The following TBC1D4 variants were observed in gnomAD, a reference collection of about 807,000 sequenced individuals.
TBC1D4 encodes TBC (Tre-2, BUB2, CDC16) domain-containing protein.
In TBC1D4, 121 loss-of-function variants were observed where a neutral mutation model predicts 142.5. The ratio of observed to expected loss-of-function variants is 0.85; its 90% CI spans 0.73 to 0.99. TBC1D4 has a LOEUF of 0.99. TBC1D4 is among the 50% of genes least tolerant of loss of function. TBC1D4 has a pLI of 0.00. For missense variants in TBC1D4, 1,475 were observed against 1,606.6 expected (o/e 0.92, Z 1.40); for synonymous variants, 630 against 628.2 (o/e 1.00, Z -0.04).
intron 1 of TBC1D4, among the ~76,000 whole-genome samples, chr13:75,464,869 C>A (rs766630435): frequency 6.6e-6 from 1 of 152,208 alleles, no homozygotes. Context: ...GAAAACAGAA[C>A]TGAAGAAACT....
chr13:75,445,373 A>C (rs1887231326), intron 1 of TBC1D4, among the ~76,000 whole-genome samples: 1 of 152,224 alleles, frequency 6.6e-6, no homozygotes, highest in South Asian at 2.1e-4. Flanking sequence ...TACATGACAC[A>C]CTGGGCTTGT....
intron 1 of TBC1D4, among the ~76,000 whole-genome samples, chr13:75,397,486 A>C (rs566977986): frequency 6.6e-6 from 1 of 152,334 alleles, no homozygotes; most frequent in South Asian, 2.1e-4. Flanking sequence ...AACTGAGATA[A>C]ATGGTAGAAA....
chr13:75,423,856 T>C (rs1235055240), intron 1 of TBC1D4, among the ~76,000 whole-genome samples: 1 of 152,204 alleles, frequency 6.6e-6, no homozygotes, highest in African/African-American at 2.4e-5. Context: ...GTTTAATGGG[T>C]ACAGAGTTTC....
At chr13:75,350,842 T>G (rs997188044) in intron 4 of TBC1D4, among the ~76,000 whole-genome samples, 1 of 152,204 alleles carries the variant, frequency 6.6e-6, no homozygotes, top group Non-Finnish European at 1.5e-5. Context: ...CAACTTCTCC[T>G]GTACACAAAT....
intron 1 of TBC1D4, among the ~76,000 whole-genome samples, chr13:75,418,239 T>C (rs1011604481): frequency 6.6e-5 from 10 of 152,154 alleles, no homozygotes; most frequent in African/African-American, 2.4e-4. Flanking sequence ...CGATATAGCA[T>C]TGAGTATGCC....
intron 19 of TBC1D4, 86 bp from the exon 20 acceptor site, chr13:75,289,196 T>G: frequency 1.3e-6 from 2 of 1,502,754 alleles, no homozygotes; most frequent in Non-Finnish European, 9.2e-7. Context: ...TTCATGTATA[T>G]TTCCAAATAC....
intron 8 of TBC1D4, among the ~76,000 whole-genome samples, chr13:75,330,442 A>G (rs1434148894): frequency 6.6e-6 from 1 of 152,244 alleles, no homozygotes; most frequent in Non-Finnish European, 1.5e-5. Flanking sequence ...AACGCTTATC[A>G]TGTGCCATAT....
In TBC1D4 at chr13:75,349,277, T is replaced by A. The variant is rs770377401; in HGVS notation, c.1301A>T (p.Lys434Ile). Residue 434 changes from lysine to isoleucine, a missense_variant, in exon 5 of 21, where the codon AAA becomes ATA. By Grantham distance (102) the Lys-to-Ile change is moderately radical. Transcript: ENST00000377636. ...GGCAGCCGCCGTACTGAAGGCCTGT[T>A]TCAGAGTCAGCATTACCTCATCAAC... ...SLVDEVMLTL[K>I]QAFSTAAALQ... 2.5e-6 allele frequency: 4 copies of A among 1,613,974 alleles called. No individual in the cohort carries two copies. The South Asian group carries it at 3.3e-5, about 13-fold the overall frequency.
At chr13:75,384,467 T>C (rs2138270789) in intron 1 of TBC1D4, among the ~76,000 whole-genome samples, 1 of 151,912 alleles carries the variant, frequency 6.6e-6, no homozygotes, top group East Asian at 1.9e-4. Context: ...TATTCCTTTC[T>C]GGACACCCTG....
intron 1 of TBC1D4, among the ~76,000 whole-genome samples, chr13:75,479,208 C>T (rs1031478670): frequency 7.9e-5 from 12 of 152,124 alleles, no homozygotes; most frequent in African/African-American, 1.2e-4. Context: ...TCTCTAGAGA[C>T]GCTACATCTG....
chr13:75,410,828 CG>C (rs1168755825), intron 1 of TBC1D4, among the ~76,000 whole-genome samples: 1 of 145,650 alleles, frequency 6.9e-6, no homozygotes, highest in Non-Finnish European at 1.5e-5. Flanking sequence ...CCCAGCTACT[CG>C]GGAGGCTGAG....
At chr13:75,302,216 A>G (rs895682381) in intron 16 of TBC1D4, 27 bp downstream of exon 16, 2 of 1,613,820 alleles carry the variant, frequency 1.2e-6, no homozygotes, top group African/African-American at 2.7e-5. Flanking sequence ...TTACTTTTGT[A>G]AATTATAATC....
chr13:75,302,455 A>G (rs917086129), intron 15 of TBC1D4, 54 bp from the exon 16 acceptor site: 1 of 1,606,322 alleles, frequency 6.2e-7, no homozygotes, highest in Non-Finnish European at 8.5e-7. Flanking sequence ...TGAAGTTGAT[A>G]GATCCCAGCT....
chr13:75,425,184 A>C lies in TBC1D4; in HGVS notation c.498+56086T>G, dbSNP rs557568262. Among the ~76,000 whole-genome samples, 4 of 152,362 alleles carry C rather than the reference A, an allele frequency of 2.6e-5. No individual in the cohort carries two copies. In the South Asian group the frequency reaches 8.3e-4, roughly 32 times the overall value. ...AATTTAAAAATGGGCAATGGACCTG[A>C]ACAAACATTTCTCAAGAGAAGACAT... On this transcript the variant is annotated intron_variant, in intron 1 of 20. Coordinates refer to ENST00000377636, the MANE Select transcript of TBC1D4 (RefSeq NM_014832.5).
At chr13:75,332,220 T>C (rs903980968) in intron 8 of TBC1D4, among the ~76,000 whole-genome samples, 7 of 152,244 alleles carry the variant, frequency 4.6e-5, no homozygotes, top group Admixed American at 1.3e-4. Flanking sequence ...GTTTTGAGCT[T>C]ACTACTGAAT....
intron 4 of TBC1D4, among the ~76,000 whole-genome samples, chr13:75,349,716 A>G (rs1360330019): frequency 6.6e-6 from 1 of 152,220 alleles, no homozygotes; most frequent in Non-Finnish European, 1.5e-5. Context: ...GTTAATAGGT[A>G]TCCTATTTAC....
At chr13:75,431,762 A>G (rs561940970) in intron 1 of TBC1D4, among the ~76,000 whole-genome samples, 1 of 152,322 alleles carries the variant, frequency 6.6e-6, no homozygotes, top group African/African-American at 2.4e-5. Context: ...CTGAGTATCT[A>G]TAATGTTTCA....
intron 1 of TBC1D4, among the ~76,000 whole-genome samples, chr13:75,403,991 A>G (rs1885214301): frequency 6.6e-6 from 1 of 152,052 alleles, no homozygotes; most frequent in Admixed American, 6.6e-5. Context: ...GTTCAAGGAA[A>G]TCAGGTATTT....
intron 17 of TBC1D4, 63 bp from the exon 18 acceptor site, chr13:75,295,076 C>G: frequency 6.9e-7 from 1 of 1,441,892 alleles, no homozygotes; most frequent in Non-Finnish European, 9.7e-7. Context: ...ATCAAACACA[C>G]TGATTTTAAT....
Sources: allele counts gnomAD v4.1 joint callset (sites outside exome capture counted in the v4.1 genomes callset), GRCh38; gene constraint gnomAD v4.1.1; transcripts MANE v1.5; gene names NCBI Gene and HGNC (gene_info 2026-07-23, HGNC 2026-07-21).